Variants in SNX29 observed in about 807,000 individuals in gnomAD.
SNX29 encodes the protein sorting nexin-29.
A neutral mutation model predicts 102.1 loss-of-function variants in SNX29; 78 were observed. The observed-to-expected ratio is 0.76, with a 90% CI of 0.64 to 0.92. The LOEUF is 0.92. Among genes scored for constraint, SNX29 ranks in the 40% least tolerant of loss-of-function variants. The pLI is 0.00. For missense variants in SNX29, 1,280 were observed against 1,061.7 expected (o/e 1.21, Z -2.86); for synonymous variants, 580 against 414.5 (o/e 1.40, Z -4.85).
At chr16:12,150,666 G>C (rs146862873) in intron 13 of SNX29, among the ~76,000 whole-genome samples, 3 of 152,208 alleles carry the variant, frequency 2.0e-5, no homozygotes, top group Admixed American at 1.3e-4. Flanking sequence ...GATAGTGTGC[G>C]TGAGCTGCAT....
At chr16:12,194,925 C>G (rs1207556322) in intron 13 of SNX29, among the ~76,000 whole-genome samples, 2 of 152,098 alleles carry the variant, frequency 1.3e-5, no homozygotes, top group African/African-American at 2.4e-5. Context: ...CTGCATCTGG[C>G]CTGGGGGTAT....
chr16:12,529,306 C>G (rs991277993), intron 20 of SNX29, among the ~76,000 whole-genome samples: 1 of 152,174 alleles, frequency 6.6e-6, no homozygotes, highest in Non-Finnish European at 1.5e-5. Context: ...TTGGGAAGCC[C>G]CGTGCTGTGT....
At chr16:12,017,801 T>G (rs2056894793) in intron 3 of SNX29, among the ~76,000 whole-genome samples, 1 of 152,196 alleles carries the variant, frequency 6.6e-6, no homozygotes, top group Non-Finnish European at 1.5e-5. Flanking sequence ...GTTAACGACA[T>G]TGGTTAAGCA....
At chr16:12,447,033 G>GGC (rs2086088827) in intron 18 of SNX29, among the ~76,000 whole-genome samples, 1 of 151,668 alleles carries the variant, frequency 6.6e-6, no homozygotes, top group Non-Finnish European at 1.5e-5. Flanking sequence ...AGGGTGTGGT[G>GGC]GCACGCATCT....
At chr16:12,462,016 T>TATATATATATATATATATATATATATAC (rs1555544564) in intron 18 of SNX29, among the ~76,000 whole-genome samples, 1 of 65,210 alleles carries the variant, frequency 1.5e-5, no homozygotes, top group Non-Finnish European at 2.4e-5. Context: ...TATATATGTA[T>TATATATATATATATATATATATATATAC]ACACACACAC....
chr16:12,092,073 T>C (rs2052576229), intron 11 of SNX29, among the ~76,000 whole-genome samples: 1 of 152,096 alleles, frequency 6.6e-6, no homozygotes, highest in African/African-American at 2.4e-5. Context: ...GCACAGGCAA[T>C]CTCATCCCAT....
intron 15 of SNX29, among the ~76,000 whole-genome samples, chr16:12,353,647 G>C (rs571857666): frequency 3.1e-4 from 47 of 152,270 alleles, no homozygotes; most frequent in African/African-American, 7.9e-4. Flanking sequence ...TCCTCCACTG[G>C]TCATACCTTT....
intron 13 of SNX29, among the ~76,000 whole-genome samples, chr16:12,188,063 C>T (rs2076554830): frequency 2.0e-5 from 3 of 152,126 alleles, no homozygotes; most frequent in African/African-American, 7.2e-5. Flanking sequence ...CAAGTGTTTC[C>T]CTAGTCCTCA....
chr16:12,535,640 C>T (rs545585384), intron 20 of SNX29, among the ~76,000 whole-genome samples: 7 of 152,178 alleles, frequency 4.6e-5, no homozygotes, highest in Non-Finnish European at 8.8e-5. Flanking sequence ...GAAGCACTTA[C>T]AGAGCAGTCT....
chr16:12,334,951 C>T (rs1187738425), intron 15 of SNX29, among the ~76,000 whole-genome samples: 1 of 111,146 alleles, frequency 9.0e-6, no homozygotes, highest in Non-Finnish European at 1.7e-5. Context: ...AATTTGATGT[C>T]ATACACAAAC....
At chr16:12,322,385 G>C (rs377342931) in intron 15 of SNX29, among the ~76,000 whole-genome samples, 5 of 152,184 alleles carry the variant, frequency 3.3e-5, no homozygotes, top group Admixed American at 6.5e-5. Flanking sequence ...GTTCATGACA[G>C]TTCTCTTGGG....
Position 12,524,854 on chromosome 16 carries a change from C to A in SNX29, c.2318+13C>A, listed in dbSNP as rs769925769. ...TGCCCTTCTTCGTGTAAGTACTGCT[C>A]CCACGGACATGGGCCGCCAGCCCTG... is the stretch of plus-strand genomic sequence containing the variant. On this transcript the variant is annotated intron_variant, in intron 20 of 20. Coordinates refer to ENST00000566228, the MANE Select transcript of SNX29 (RefSeq NM_032167.5). 6.2e-7 allele frequency: 1 copy of A among 1,608,442 alleles called. No homozygotes were observed. Among genetic ancestry groups the A allele is most frequent in the Non-Finnish European group, 8.5e-7 (1 of 1,176,562 alleles).
At chr16:12,339,140 G>A (rs1473146192) in intron 15 of SNX29, among the ~76,000 whole-genome samples, 2 of 152,126 alleles carry the variant, frequency 1.3e-5, no homozygotes, top group Admixed American at 1.3e-4. Flanking sequence ...GGCTGAGGCA[G>A]GTGGATCACC....
chr16:12,377,505 G>GAC (rs1484182052), intron 16 of SNX29, among the ~76,000 whole-genome samples: 1 of 152,188 alleles, frequency 6.6e-6, no homozygotes, highest in African/African-American at 2.4e-5. Context: ...CAGGTGGGTG[G>GAC]GGAGGGGCAG....
At chr16:12,393,566 A>G (rs999302372) in intron 16 of SNX29, among the ~76,000 whole-genome samples, 1 of 152,184 alleles carries the variant, frequency 6.6e-6, no homozygotes, top group Non-Finnish European at 1.5e-5. Flanking sequence ...ACAGATAACC[A>G]GCGTGGAGTC....
intron 19 of SNX29, among the ~76,000 whole-genome samples, chr16:12,513,835 A>G (rs948481994): frequency 6.6e-6 from 1 of 152,256 alleles, no homozygotes; most frequent in East Asian, 1.9e-4. Flanking sequence ...AGCCACCGCT[A>G]TGAGGGCCAC....
intron 14 of SNX29, among the ~76,000 whole-genome samples, chr16:12,262,526 A>G (rs761809625): frequency 6.6e-6 from 1 of 152,230 alleles, no homozygotes; most frequent in African/African-American, 2.4e-5. Flanking sequence ...GTTCGATCCT[A>G]AAATGCAGCG....
chr16:12,182,692 C>T (rs560226853), intron 13 of SNX29, among the ~76,000 whole-genome samples: 16 of 152,154 alleles, frequency 1.1e-4, no homozygotes, highest in Admixed American at 1.0e-3. Flanking sequence ...CACTTTGGGA[C>T]GCTGAGGCGG....
Position 12,568,647 on chromosome 16 carries a change from C to G in SNX29, c.*18C>G, listed in dbSNP as rs760077632. The G allele has an allele frequency of 1.1e-5, 18 of 1,600,136 alleles. No individual in the cohort carries two copies. The highest frequency in any genetic ancestry group is 1.0e-5 in the Non-Finnish European group (12 of 1,179,412). On this transcript the variant is annotated 3_prime_UTR_variant, in exon 21 of 21. Transcript: ENST00000566228. ...ACCTCTGACCTCGACAAAACCGCAG[C>G]CACGGGCCCTGTGCGTGGCACCAGC... is the stretch of plus-strand genomic sequence containing the variant.
Sources: gnomAD v4.1 joint callset for allele counts (sites outside exome capture counted in the v4.1 genomes callset) on GRCh38, gnomAD v4.1.1 for gene constraint, MANE v1.5 for transcripts, NCBI Gene and HGNC (gene_info 2026-07-23, HGNC 2026-07-21) for gene names.